Variants in DICER1 observed in about 807,000 individuals in gnomAD.
DICER1 encodes the protein dicer 1, ribonuclease III.
In DICER1, 43 loss-of-function variants were observed where a neutral mutation model predicts 194.1. The observed-to-expected ratio is 0.22, with a 90% CI of 0.17 to 0.29. DICER1 has a LOEUF of 0.29. Among genes scored for constraint, DICER1 ranks in the 10% least tolerant of loss-of-function variants. The pLI is 1.00. For synonymous variants in DICER1, 832 were observed against 820.5 expected (o/e 1.01, Z -0.24); for missense variants, 1,608 against 2,317.0 (o/e 0.69, Z 6.28).
At chr14:95,138,873 C>T (rs1167846176) in intron 1 of DICER1, among the ~76,000 whole-genome samples, 2 of 148,034 alleles carry the variant, frequency 1.4e-5, no homozygotes, top group Non-Finnish European at 3.0e-5. Flanking sequence ...TGCTAGATGA[C>T]ACATTAGTGG....
Position 95,091,115 on chromosome 14 carries a change from A to G in DICER1, c.5528-6T>C, listed in dbSNP as rs773875981. 4.3e-6 allele frequency: 7 copies of G among 1,614,018 alleles called. No individual in the cohort carries two copies. In the Admixed American group the frequency reaches 5.0e-5, roughly 12 times the overall value. ...TACATTTGCAGAAAACTTTTCTGCA[A>G]TCAAAATGAAAGAATAATATGAATA... On this transcript the variant is annotated splice_region_variant and splice_polypyrimidine_tract_variant and intron_variant, in intron 25 of 26. Coordinates refer to ENST00000343455, the MANE Select transcript of DICER1 (RefSeq NM_177438.3).
At position 95,096,165 on chromosome 14, in the gene DICER1, T is replaced by C. The variant is rs555975437; in HGVS notation, c.4755A>G (p.Ser1585=). ...GERAAQLFLC[S]LGLKVLPVIK... is the part of the protein sequence containing the mutation. ...TTACCGGGAGCACCTTCAGCCCCAGTGAACAGAGGAAAAGCTGAGCAGCCC... is the reference window on the plus strand; with the variant it reads ...TTACCGGGAGCACCTTCAGCCCCAGCGAACAGAGGAAAAGCTGAGCAGCCC... The change falls in exon 23 of 27, where the codon TCA becomes TCG. Residue 1585 remains serine, a synonymous_variant. Transcript: ENST00000343455. The C allele has an allele frequency of 3.7e-6, 6 of 1,614,168 alleles. No homozygotes were observed. The South Asian group carries it at 6.6e-5, about 18-fold the overall frequency.
chr14:95,090,798 A>G lies in DICER1; in HGVS notation c.5604-135T>C, dbSNP rs1266538866. The stretch of plus-strand genomic sequence containing the variant: ...CCACACAAAGGAAACACGCGTTACG[A>G]CTTACTGCAATTGCATACCCCCGAC... On this transcript the variant is annotated intron_variant, in intron 26 of 26. Coordinates refer to ENST00000343455, the MANE Select transcript of DICER1 (RefSeq NM_177438.3). The G allele has an allele frequency of 5.3e-6, 6 of 1,139,072 alleles. No homozygotes were observed. In the African/African-American group the frequency reaches 7.6e-5, roughly 14 times the overall value. 70.6% of individuals were successfully genotyped at this position (1,139,072 alleles called of 1,614,324 possible).
chr14:95,109,105 T>G (rs1434634788), intron 14 of DICER1, among the ~76,000 whole-genome samples: 1 of 152,220 alleles, frequency 6.6e-6, no homozygotes, highest in East Asian at 1.9e-4. Flanking sequence ...GCCTGATTTT[T>G]ATCCCGTTAC....
At chr14:95,099,566 C>T (rs891197640) in intron 22 of DICER1, among the ~76,000 whole-genome samples, 2 of 151,834 alleles carry the variant, frequency 1.3e-5, no homozygotes, top group Admixed American at 1.3e-4. Context: ...AATTTGCCTC[C>T]ATCAAAATTA....
In DICER1 at chr14:95,089,800, G is replaced by A. The variant is rs1205608781; in HGVS notation, c.*698C>T. ...AAAACAGTTTGTTCCAAAAAGATCA[G>A]AGATTAAAGACTATCCATGAAGGTT... On this transcript the variant is annotated 3_prime_UTR_variant, in exon 27 of 27. Coordinates refer to ENST00000343455, the MANE Select transcript of DICER1 (RefSeq NM_177438.3). 4 of 232,184 alleles carry A rather than the reference G, an allele frequency of 1.7e-5. No individual in the cohort carries two copies. Among genetic ancestry groups the A allele is most frequent in the Non-Finnish European group, 2.6e-5 (3 of 117,296 alleles). The allele number at this position is 232,184 out of a possible 1,614,324, so 14.4% of individuals were successfully genotyped here.
At chr14:95,149,049 G>C (rs1039434938) in intron 1 of DICER1, among the ~76,000 whole-genome samples, 3 of 152,004 alleles carry the variant, frequency 2.0e-5, no homozygotes, top group Non-Finnish European at 2.9e-5. Flanking sequence ...TCAGCCTCCT[G>C]AGCAGCTGAG....
At chr14:95,151,114 G>C (rs1274609197) in intron 1 of DICER1, among the ~76,000 whole-genome samples, 2 of 152,218 alleles carry the variant, frequency 1.3e-5, no homozygotes, top group Non-Finnish European at 2.9e-5. Context: ...CTGAATTGAA[G>C]TATGATTTCA....
chr14:95,088,827 A>G lies in DICER1; in HGVS notation c.*1671T>C, dbSNP rs1266411477. ...GGATGATGCAGATAAAGCAGGAAGGACAGTATTCAAATGTCACTTACATAT... is the reference window on the plus strand; with the variant it reads ...GGATGATGCAGATAAAGCAGGAAGGGCAGTATTCAAATGTCACTTACATAT... On this transcript the variant is annotated 3_prime_UTR_variant, in exon 27 of 27. Transcript: ENST00000343455. 1 of 233,282 alleles carries G rather than the reference A, an allele frequency of 4.3e-6. No homozygotes were observed. Among genetic ancestry groups the G allele is most frequent in the Non-Finnish European group, 8.5e-6 (1 of 117,896 alleles). The allele number at this position is 233,282 out of a possible 1,614,324, so 14.5% of individuals were successfully genotyped here.
chr14:95,156,447 T>C (rs1031392975), intron 1 of DICER1, among the ~76,000 whole-genome samples: 14 of 152,208 alleles, frequency 9.2e-5, no homozygotes, highest in African/African-American at 3.4e-4. Context: ...CATCTCCACG[T>C]TTCCGCGGAT....
At chr14:95,134,258 A>G (rs1207476610) in intron 1 of DICER1, 1 of 152,184 alleles carries the variant, frequency 6.6e-6, no homozygotes, top group Admixed American at 6.5e-5. Flanking sequence ...TGAAATAAAA[A>G]TTTTTTCATG....
rs1048972576 is a variant in DICER1 at position 95,157,277 on chromosome 14, C to G, written c.-93G>C. Reference sequence around the variant, plus strand: ...CCTTCGAGAACCATCGGACCCCGCTCCGGCGCGCGCGTCACAGCCCAGGCC... The same window carrying G: ...CCTTCGAGAACCATCGGACCCCGCTGCGGCGCGCGCGTCACAGCCCAGGCC... On this transcript the variant is annotated 5_prime_UTR_variant, in exon 1 of 27. Coordinates refer to ENST00000343455, the MANE Select transcript of DICER1 (RefSeq NM_177438.3). 2 of 151,472 alleles carry G rather than the reference C, an allele frequency of 1.3e-5. No individual in the cohort carries two copies. Among genetic ancestry groups the G allele is most frequent in the African/African-American group, 4.8e-5 (2 of 41,332 alleles). The allele number at this position is 151,472 out of a possible 1,614,324, so 9.4% of individuals were successfully genotyped here.
intron 21 of DICER1, among the ~76,000 whole-genome samples, chr14:95,102,472 C>A (rs1890967324): frequency 6.6e-6 from 1 of 152,184 alleles, no homozygotes; most frequent in Non-Finnish European, 1.5e-5. Flanking sequence ...AGCCTTTTCT[C>A]AGGTATTTCC....
At position 95,090,437 on chromosome 14, in the gene DICER1, A is replaced by C; in HGVS notation, c.*61T>G. 6.3e-7 allele frequency: 1 copy of C among 1,579,066 alleles called. No individual in the cohort carries two copies. The highest frequency in any genetic ancestry group is 1.1e-5 in the South Asian group (1 of 90,226). ...AACTTTAAGTCTTCCTTTCCGATTT[A>C]AATAATTTTCCCCTTAATTTTTTTT... On this transcript the variant is annotated 3_prime_UTR_variant, in exon 27 of 27. Transcript: ENST00000343455.
chr14:95,112,067 A>G, intron 13 of DICER1, 105 bp downstream of exon 13: 1 of 945,072 alleles, frequency 1.1e-6, no homozygotes, highest in Non-Finnish European at 1.7e-6. Context: ...CAGCAAGTGA[A>G]TAGCTCTACA....
chr14:95,111,418 T>G lies in DICER1; in HGVS notation c.2155A>C (p.Thr719Pro). The stretch of plus-strand genomic sequence containing the variant: ...TCAAGCTCCTCTTCATATTTAACAG[T>G]CTCTTTCCCAACTGGCATCAAATGG... ...DDHLMPVGKE[T>P]VKYEEELDLH... Residue 719 changes from threonine to proline, a missense_variant, in exon 14 of 27, where the codon ACT (threonine) becomes CCT (proline). Physicochemically the swap from Thr to Pro is conservative, Grantham distance 38 (BLOSUM62 -1). This residue lies in a region of DICER1 where 657 missense variants were observed against 910.1 expected (regional missense o/e 0.72). Transcript: ENST00000343455. The G allele has an allele frequency of 6.2e-7, 1 of 1,614,058 alleles. No individual in the cohort carries two copies.
chr14:95,156,738 C>A (rs1460570479), intron 1 of DICER1, among the ~76,000 whole-genome samples: 1 of 152,176 alleles, frequency 6.6e-6, no homozygotes, highest in African/African-American at 2.4e-5. Flanking sequence ...TCACACAGGA[C>A]CCTCCCGGGA....
rs764470378 is a variant in DICER1 at position 95,103,765 on chromosome 14, C to G, written c.3631G>C (p.Val1211Leu). The G allele has an allele frequency of 6.2e-7, 1 of 1,614,112 alleles. No homozygotes were observed. Among genetic ancestry groups the G allele is most frequent in the Admixed American group, 1.7e-5 (1 of 60,012 alleles). The stretch of plus-strand genomic sequence containing the variant: ...ATGGAATATGAGGTAGTTGGTTGCA[C>G]GGGTATTTCCTGCTTGTAGTAATTT... Reference protein sequence around the residue: ...QLNYYKQEIPVQPTTSYSIQN... With the variant: ...QLNYYKQEIPLQPTTSYSIQN... Residue 1211 changes from valine to leucine, a missense_variant, in exon 21 of 27, where the codon GTG (valine) becomes CTG (leucine). Physicochemically the swap from Val to Leu is conservative, Grantham distance 32. This residue lies in a region of DICER1 where 222 missense variants were observed against 215.5 expected (regional missense o/e 1.03). Coordinates refer to ENST00000343455, the MANE Select transcript of DICER1 (RefSeq NM_177438.3).
chr14:95,149,928 A>T (rs916111550), intron 1 of DICER1, among the ~76,000 whole-genome samples: 1 of 152,208 alleles, frequency 6.6e-6, no homozygotes, highest in African/African-American at 2.4e-5. Context: ...GAATAATTCG[A>T]GGCTAACTAG....
Sources: gnomAD v4.1 joint callset for allele counts (sites outside exome capture counted in the v4.1 genomes callset) on GRCh38, gnomAD v4.1.1 for gene constraint, gnomAD v4.1.1 regional missense constraint, MANE v1.5 for transcripts, NCBI Gene and HGNC (gene_info 2026-07-23, HGNC 2026-07-21) for gene names.